Variants in ANO5 observed in about 807,000 individuals in gnomAD.
ANO5 encodes the protein anoctamin 5, also known as anoctamin-5.
ANO5 carries 109 observed loss-of-function variants against 121.0 expected under a neutral mutation model. That is an observed-to-expected ratio of 0.90 (90% CI 0.77 to 1.06). The LOEUF (loss-of-function observed/expected upper bound fraction) is 1.06, where lower values mean the gene tolerates loss of function less well. Ranked by LOEUF, ANO5 falls within the 50% of genes least tolerant of loss-of-function variation. The probability of loss-of-function intolerance (pLI) is 0.00; values close to 1 mark genes in which losing one functional copy is unlikely to be tolerated. For synonymous variants in ANO5, 406 were observed against 359.9 expected (o/e 1.13, Z -1.45); for missense variants, 1,064 against 1,078.5 (o/e 0.99, Z 0.19).
chr11:22,251,392 T>G (rs542017498), intron 12 of ANO5, among the ~76,000 whole-genome samples: 1 of 152,286 alleles, frequency 6.6e-6, no homozygotes, highest in African/African-American at 2.4e-5. Flanking sequence ...ATCAAAAACT[T>G]GAGGACTAAT....
intron 6 of ANO5, 128 bp downstream of exon 6, chr11:22,226,180 C>T (rs1852826489): frequency 4.0e-6 from 3 of 741,622 alleles, no homozygotes; most frequent in South Asian, 3.2e-5. Flanking sequence ...CAGATATGTG[C>T]ACCGGGATGA....
At chr11:22,240,648 T>C (rs1853398901) in intron 9 of ANO5, among the ~76,000 whole-genome samples, 1 of 152,090 alleles carries the variant, frequency 6.6e-6, no homozygotes, top group African/African-American at 2.4e-5. Flanking sequence ...CTTTAAGTTA[T>C]AAAACCAGAA....
intron 2 of ANO5, among the ~76,000 whole-genome samples, chr11:22,208,265 A>T (rs1051070507): frequency 1.3e-5 from 2 of 152,080 alleles, no homozygotes; most frequent in Non-Finnish European, 2.9e-5. Context: ...AGTAGCCGAA[A>T]GTGGAAACAA....
At chr11:22,196,344 T>C (rs1042294837) in intron 1 of ANO5, among the ~76,000 whole-genome samples, 1 of 152,156 alleles carries the variant, frequency 6.6e-6, no homozygotes, top group African/African-American at 2.4e-5. Context: ...GAGAATGGCA[T>C]GAATTCATTC....
At chr11:22,233,740 G>A (rs1215762198) in intron 7 of ANO5, among the ~76,000 whole-genome samples, 1 of 152,106 alleles carries the variant, frequency 6.6e-6, no homozygotes, top group Non-Finnish European at 1.5e-5. Context: ...GCTCTCTGCT[G>A]AAGCATTCCA....
intron 7 of ANO5, among the ~76,000 whole-genome samples, chr11:22,232,635 T>C (rs550978220): frequency 1.3e-5 from 2 of 152,148 alleles, no homozygotes; most frequent in Non-Finnish European, 2.9e-5. Context: ...ACTTTTTACA[T>C]TGACAACTAC....
intron 9 of ANO5, among the ~76,000 whole-genome samples, chr11:22,246,215 T>A (rs947768919): frequency 1.3e-5 from 2 of 152,188 alleles, no homozygotes; most frequent in Non-Finnish European, 2.9e-5. Context: ...AGATCCTTTC[T>A]TATAGATTAT....
At chr11:22,227,649 T>C (rs1852889428) in intron 7 of ANO5, 63 bp downstream of exon 7, 1 of 1,577,126 alleles carries the variant, frequency 6.3e-7, no homozygotes, top group Non-Finnish European at 8.7e-7. Flanking sequence ...GTGTGTGCTT[T>C]TATACATGTG....
chr11:22,278,533 T>C (rs993938336), intron 21 of ANO5, among the ~76,000 whole-genome samples: 22 of 149,860 alleles, frequency 1.5e-4, no homozygotes, highest in African/African-American at 5.4e-4. Flanking sequence ...TCTTTTCCTT[T>C]TTTTTTTTTT....
intron 7 of ANO5, among the ~76,000 whole-genome samples, chr11:22,228,174 G>A (rs902337206): frequency 6.6e-6 from 1 of 151,998 alleles, no homozygotes; most frequent in Non-Finnish European, 1.5e-5. Flanking sequence ...TGCTTAGACT[G>A]GAATAATATC....
At chr11:22,265,091 A>C (rs1854316938) in intron 17 of ANO5, among the ~76,000 whole-genome samples, 1 of 152,282 alleles carries the variant, frequency 6.6e-6, no homozygotes, top group African/African-American at 2.4e-5. Flanking sequence ...GGAAAAACAC[A>C]AGTTTCAGAA....
chr11:22,210,118 T>C (rs968833030), intron 2 of ANO5, among the ~76,000 whole-genome samples: 3 of 151,968 alleles, frequency 2.0e-5, no homozygotes, highest in Non-Finnish European at 4.4e-5. Context: ...ATAAGTGGAT[T>C]CTAATTATAA....
chr11:22,251,333 A>G (rs1416463051), intron 12 of ANO5, among the ~76,000 whole-genome samples: 1 of 152,206 alleles, frequency 6.6e-6, no homozygotes, highest in East Asian at 1.9e-4. Context: ...GACTAAACAA[A>G]TATTTTGTGG....
Position 22,237,432 on chromosome 11 carries a change from C to T in ANO5, c.762+1156C>T, listed in dbSNP as rs145363068. On this transcript the variant is annotated intron_variant, in intron 8 of 21. Transcript: ENST00000324559. ...TTGAGACGGCGTCTTGCTGTGTCCC[C>T]CAGGCTGGAGTGCAGTGGTGCAATC... is the stretch of plus-strand genomic sequence containing the variant. Among the ~76,000 whole-genome samples, 56 of 152,170 alleles carry T rather than the reference C, an allele frequency of 3.7e-4. 1 individual carries two copies. In the East Asian group the frequency reaches 0.01, roughly 27 times the overall value.
At chr11:22,238,197 G>C (rs977799061) in intron 8 of ANO5, among the ~76,000 whole-genome samples, 1 of 151,548 alleles carries the variant, frequency 6.6e-6, no homozygotes, top group African/African-American at 2.4e-5. Context: ...ATGGACGTTT[G>C]GTAAAGCAGA....
Position 22,272,981 on chromosome 11 carries a change from G to A in ANO5, c.2227G>A (p.Ala743Thr). The A allele has an allele frequency of 6.2e-7, 1 of 1,613,870 alleles. No homozygotes were observed. The highest frequency in any genetic ancestry group is 8.5e-7 in the Non-Finnish European group (1 of 1,179,904). The change falls in exon 19 of 22, where the codon GCA becomes ACA. Residue 743 changes from alanine (A) to threonine (T), a missense_variant. Physicochemically the swap from Ala to Thr is moderately conservative, Grantham distance 58 (BLOSUM62 0). Coordinates refer to ENST00000324559, the MANE Select transcript of ANO5 (RefSeq NM_213599.3). ...TTATGGAATGGCTGTCCTTTCTGTT[G>A]CAACTAATGTAAGTGGACCTATTTC... ...ILYGMAVLSV[A>T]TNAFIVAFTS...
At chr11:22,229,224 G>A (rs888331183) in intron 7 of ANO5, among the ~76,000 whole-genome samples, 1 of 151,610 alleles carries the variant, frequency 6.6e-6, no homozygotes, top group Non-Finnish European at 1.5e-5. Flanking sequence ...TAATCATCAG[G>A]GTTCTAACAA....
chr11:22,215,593 C>T (rs1490560346), intron 3 of ANO5, among the ~76,000 whole-genome samples: 3 of 151,806 alleles, frequency 2.0e-5, no homozygotes, highest in Non-Finnish European at 4.4e-5. Context: ...TTTATCTTCC[C>T]CTGCAAAAAA....
chr11:22,252,850 T>G (rs1027902884), intron 12 of ANO5, among the ~76,000 whole-genome samples: 2 of 152,180 alleles, frequency 1.3e-5, no homozygotes, highest in African/African-American at 4.8e-5. Context: ...TTTTAAAGTT[T>G]CTACCCTGGA....
Sources: allele counts gnomAD v4.1 joint callset (sites outside exome capture counted in the v4.1 genomes callset), GRCh38; gene constraint gnomAD v4.1.1; transcripts MANE v1.5; gene names NCBI Gene and HGNC (gene_info 2026-07-23, HGNC 2026-07-21).